Variants in NRP1 observed in about 807,000 individuals in gnomAD.
NRP1 encodes neuropilin 1.
In NRP1, 35 loss-of-function variants were observed where a neutral mutation model predicts 106.7. The ratio of observed to expected loss-of-function variants is 0.33; its 90% CI spans 0.25 to 0.43. The LOEUF is 0.43. Ranked by LOEUF, NRP1 falls within the 20% of genes least tolerant of loss-of-function variation. The probability of loss-of-function intolerance (pLI) is 1.00; values close to 1 mark genes in which losing one functional copy is unlikely to be tolerated. For synonymous variants in NRP1, 437 were observed against 417.9 expected (o/e 1.05, Z -0.56); for missense variants, 1,024 against 1,170.4 (o/e 0.87, Z 1.83).
chr10:33,297,451 C>T (rs1013336310), intron 2 of NRP1, among the ~76,000 whole-genome samples: 16 of 152,074 alleles, frequency 1.1e-4, no homozygotes, highest in Non-Finnish European at 2.1e-4. Flanking sequence ...TTTGGGAAGC[C>T]AAGGTGGGTG....
intron 6 of NRP1, among the ~76,000 whole-genome samples, chr10:33,237,518 A>C (rs932013392): frequency 1.5e-4 from 21 of 138,938 alleles, no homozygotes; most frequent in African/African-American, 5.6e-4. Context: ...CACACACACA[A>C]ATCCCACCCA....
At chr10:33,308,180 G>T (rs182731280) in intron 2 of NRP1, among the ~76,000 whole-genome samples, 1 of 151,946 alleles carries the variant, frequency 6.6e-6, no homozygotes, top group African/African-American at 2.4e-5. Flanking sequence ...ACATATGGGC[G>T]CAAAGAACAA....
At chr10:33,280,501 T>C (rs1028741766) in intron 2 of NRP1, among the ~76,000 whole-genome samples, 4 of 152,162 alleles carry the variant, frequency 2.6e-5, no homozygotes, top group Non-Finnish European at 4.4e-5. Flanking sequence ...AAATTTTTAC[T>C]CCTTGCCAAC....
chr10:33,187,401 C>T (rs527526192), intron 13 of NRP1, among the ~76,000 whole-genome samples: 89 of 151,968 alleles, frequency 5.9e-4, no homozygotes, highest in Non-Finnish European at 1.0e-3. Context: ...TTATTTTTCC[C>T]GTAGTTTGTT....
intron 8 of NRP1, among the ~76,000 whole-genome samples, chr10:33,215,137 C>G (rs1838654095): frequency 6.6e-6 from 1 of 152,176 alleles, no homozygotes; most frequent in African/African-American, 2.4e-5. Context: ...GACTTCATCC[C>G]ATTTGCCTAA....
At chr10:33,317,563 T>A (rs1847127294) in intron 2 of NRP1, among the ~76,000 whole-genome samples, 1 of 152,262 alleles carries the variant, frequency 6.6e-6, no homozygotes. Context: ...TTTTGTTGAA[T>A]GGATTGTCAA....
At chr10:33,326,472 T>A (rs1420136826) in intron 2 of NRP1, among the ~76,000 whole-genome samples, 1 of 152,128 alleles carries the variant, frequency 6.6e-6, no homozygotes, top group Non-Finnish European at 1.5e-5. Context: ...TTCCTTCCTC[T>A]CCCTCAACAC....
intron 1 of NRP1, among the ~76,000 whole-genome samples, chr10:33,331,725 A>G (rs1848299689): frequency 6.6e-6 from 1 of 152,218 alleles, no homozygotes; most frequent in African/African-American, 2.4e-5. Context: ...AGTGAAGCCA[A>G]ATAAACCAAG....
chr10:33,218,932 A>T (rs1839005180), intron 8 of NRP1, among the ~76,000 whole-genome samples: 1 of 152,178 alleles, frequency 6.6e-6, no homozygotes, highest in Non-Finnish European at 1.5e-5. Flanking sequence ...AAATGAGGCA[A>T]ACAGGTCCCC....
intron 3 of NRP1, among the ~76,000 whole-genome samples, chr10:33,267,036 C>CAA (rs1842969592): frequency 6.6e-6 from 1 of 151,302 alleles, no homozygotes; most frequent in Non-Finnish European, 1.5e-5. Flanking sequence ...TGTCTCAAAA[C>CAA]AAAACACAAA....
At chr10:33,229,883 C>T (rs1265260524) in intron 6 of NRP1, among the ~76,000 whole-genome samples, 1 of 152,052 alleles carries the variant, frequency 6.6e-6, no homozygotes, top group Non-Finnish European at 1.5e-5. Context: ...TGCATAGTTT[C>T]CTGCTGTGCT....
chr10:33,307,534 C>G (rs180884020), intron 2 of NRP1, among the ~76,000 whole-genome samples: 3 of 152,100 alleles, frequency 2.0e-5, no homozygotes, highest in African/African-American at 7.2e-5. Flanking sequence ...TTAAAGTAAA[C>G]CTCCCCAACC....
At chr10:33,218,468 T>G (rs1051639584) in intron 8 of NRP1, among the ~76,000 whole-genome samples, 1 of 151,722 alleles carries the variant, frequency 6.6e-6, no homozygotes, top group African/African-American at 2.4e-5. Context: ...GCCTCAGCCT[T>G]CTGAGTAGCT....
chr10:33,283,508 G>T (rs1844293530), intron 2 of NRP1, among the ~76,000 whole-genome samples: 1 of 152,068 alleles, frequency 6.6e-6, no homozygotes, highest in East Asian at 1.9e-4. Flanking sequence ...TATATCTCTG[G>T]ATGTACAATA....
intron 5 of NRP1, 112 bp from the exon 6 acceptor site, chr10:33,254,306 G>C: frequency 1.1e-6 from 1 of 949,776 alleles, no homozygotes; most frequent in Non-Finnish European, 1.5e-6. Flanking sequence ...TCTTTAAAAA[G>C]ATGGTAGTAA....
In NRP1 at chr10:33,203,902, G is replaced by A. The variant is rs1365145689; in HGVS notation, c.1760-907C>T. 5.3e-5 allele frequency among the ~76,000 whole-genome samples: 5 copies of A among 94,860 alleles called. 1 individual carries two copies. Among genetic ancestry groups the A allele is most frequent in the South Asian group, 4.1e-4 (1 of 2,432 alleles). 62.2% of individuals were successfully genotyped at this position (94,860 alleles called of 152,430 possible). A position where few individuals can be genotyped will look rare whatever the true frequency, so the allele number is the denominator to read the frequency against. ...ACTACAGGCGCCCGCCACCGCGCCC[G>A]GCTAATTTTTTGTATTTTTAGTAGA... On this transcript the variant is annotated intron_variant, in intron 10 of 16. Coordinates refer to ENST00000374867, the MANE Select transcript of NRP1 (RefSeq NM_003873.7).
At position 33,221,762 on chromosome 10, in the gene NRP1, A is replaced by T. The variant is rs765372081; in HGVS notation, c.1239T>A (p.Thr413=). 1.2e-6 allele frequency: 2 copies of T among 1,614,054 alleles called. No individual in the cohort carries two copies. The highest frequency in any genetic ancestry group is 1.7e-6 in the Non-Finnish European group (2 of 1,180,010). Residue 413 remains threonine, a synonymous_variant, in exon 8 of 17, where the codon ACT becomes ACA. Transcript: ENST00000374867. The part of the protein sequence containing the change: ...FVRIKPATWE[T]GISMRFEVYG... ...ATACTTCAAATCTCATAGATATGCC[A>T]GTTTCCCAAGTTGCAGGCTTGATTC...
intron 2 of NRP1, among the ~76,000 whole-genome samples, chr10:33,282,236 G>T (rs1844192197): frequency 6.6e-6 from 1 of 151,794 alleles, no homozygotes; most frequent in Admixed American, 6.6e-5. Flanking sequence ...CACTGAATTT[G>T]CTCAAAAAGC....
intron 13 of NRP1, among the ~76,000 whole-genome samples, chr10:33,192,031 T>C (rs1159362187): frequency 6.6e-6 from 1 of 151,462 alleles, no homozygotes; most frequent in Non-Finnish European, 1.5e-5. Flanking sequence ...CATAGATCCT[T>C]GCCCAATTTG....
Sources: gnomAD v4.1 joint callset for allele counts (sites outside exome capture counted in the v4.1 genomes callset) on GRCh38, gnomAD v4.1.1 for gene constraint, MANE v1.5 for transcripts, NCBI Gene and HGNC (gene_info 2026-07-23, HGNC 2026-07-21) for gene names.